Variants in TLE4 observed in about 807,000 individuals in gnomAD.
The protein encoded by TLE4 is TLE family member 4, transcriptional corepressor.
A neutral mutation model predicts 92.8 loss-of-function variants in TLE4; 8 were observed. The observed-to-expected ratio is 0.09, with a 90% CI of 0.05 to 0.16. The LOEUF (loss-of-function observed/expected upper bound fraction) is 0.16, where lower values mean the gene tolerates loss of function less well. Among genes scored for constraint, TLE4 ranks in the 10% least tolerant of loss-of-function variants. TLE4 has a pLI of 1.00. For missense variants in TLE4, 675 were observed against 997.6 expected (o/e 0.68, Z 4.36); for synonymous variants, 371 against 374.1 (o/e 0.99, Z 0.10).
intron 14 of TLE4, 84 bp downstream of exon 14, chr9:79,709,783 A>G: frequency 8.6e-7 from 1 of 1,161,276 alleles, no homozygotes; most frequent in Non-Finnish European, 1.3e-6. Context: ...ACCACTAGAC[A>G]GTGTTGGGGG....
intron 8 of TLE4, among the ~76,000 whole-genome samples, chr9:79,687,172 C>T (rs777473250): frequency 1.3e-5 from 2 of 152,224 alleles, no homozygotes; most frequent in Non-Finnish European, 2.9e-5. Flanking sequence ...TCCCCCGAAT[C>T]GTAATTGCCC....
At chr9:79,695,081 A>G (rs1441724292) in intron 8 of TLE4, among the ~76,000 whole-genome samples, 1 of 152,038 alleles carries the variant, frequency 6.6e-6, no homozygotes, top group Non-Finnish European at 1.5e-5. Context: ...AGGAAAGATT[A>G]ATTTCTATTA....
At chr9:79,573,822 CTTAGCTCTTGTCT>C in intron 2 of TLE4, 36 bp downstream of exon 2, 1 of 1,465,772 alleles carries the variant, frequency 6.8e-7, no homozygotes, top group Admixed American at 1.8e-5. Flanking sequence ...CTTCTGTTTG[CTTAGCTCTTGTCT>C]CCCCGACAAA....
At chr9:79,660,089 A>T (rs1344065843) in intron 8 of TLE4, among the ~76,000 whole-genome samples, 1 of 152,180 alleles carries the variant, frequency 6.6e-6, no homozygotes, top group Admixed American at 6.5e-5. Context: ...ATTCACCATG[A>T]AGTATTCTTG....
chr9:79,667,669 G>C (rs1378899748), intron 8 of TLE4, among the ~76,000 whole-genome samples: 1 of 152,106 alleles, frequency 6.6e-6, no homozygotes, highest in Non-Finnish European at 1.5e-5. Flanking sequence ...AAAGGAAGGT[G>C]GGGAGTTGGG....
chr9:79,643,104 G>A (rs1180174333), intron 6 of TLE4, among the ~76,000 whole-genome samples: 1 of 152,072 alleles, frequency 6.6e-6, no homozygotes, highest in East Asian at 1.9e-4. Flanking sequence ...GGTAAGAAGG[G>A]CACATCTTAT....
At chr9:79,666,196 T>TGTGG (rs2061369201) in intron 8 of TLE4, among the ~76,000 whole-genome samples, 2 of 112,788 alleles carry the variant, frequency 1.8e-5, no homozygotes, top group African/African-American at 3.1e-5. Context: ...TGTGTGTGTG[T>TGTGG]GGGTGGGGTT....
chr9:79,692,508 A>AG (rs1792884126), intron 8 of TLE4, among the ~76,000 whole-genome samples: 1 of 152,196 alleles, frequency 6.6e-6, no homozygotes, highest in Non-Finnish European at 1.5e-5. Context: ...CATGAAAGGA[A>AG]GGGCGGTATG....
intron 4 of TLE4, among the ~76,000 whole-genome samples, chr9:79,599,507 T>C (rs926758861): frequency 2.0e-5 from 3 of 152,168 alleles, no homozygotes; most frequent in Admixed American, 1.3e-4. Context: ...GCTCAGTGTT[T>C]CCCACGGAAT....
At chr9:79,597,336 G>A (rs1306867613) in intron 4 of TLE4, among the ~76,000 whole-genome samples, 1 of 152,068 alleles carries the variant, frequency 6.6e-6, no homozygotes, top group Non-Finnish European at 1.5e-5. Context: ...TTTTGGTGTT[G>A]GGTCATTTTT....
At chr9:79,713,415 T>C (rs1048293657) in intron 14 of TLE4, among the ~76,000 whole-genome samples, 1 of 152,218 alleles carries the variant, frequency 6.6e-6, no homozygotes, top group Non-Finnish European at 1.5e-5. Flanking sequence ...CTCATCGCCA[T>C]GTTTGTTGGA....
chr9:79,711,358 A>G (rs1470941808), intron 14 of TLE4, among the ~76,000 whole-genome samples: 1 of 152,232 alleles, frequency 6.6e-6, no homozygotes, highest in Non-Finnish European at 1.5e-5. Context: ...TTGACCAAGA[A>G]ACTTTGATGT....
At chr9:79,693,895 C>G (rs535295194) in intron 8 of TLE4, among the ~76,000 whole-genome samples, 7 of 152,352 alleles carry the variant, frequency 4.6e-5, no homozygotes, top group African/African-American at 1.7e-4. Context: ...TTTCAGCATG[C>G]TGCTATTACT....
chr9:79,601,407 C>T (rs1222342215), intron 4 of TLE4: 2 of 456,548 alleles, frequency 4.4e-6, no homozygotes, highest in African/African-American at 4.0e-5. Flanking sequence ...CTTTATTGTG[C>T]TTCACAGAGA....
chr9:79,582,639 C>CTTTTTTTTTTTTTTTTTTG (rs35195007), intron 4 of TLE4, among the ~76,000 whole-genome samples: 1 of 115,654 alleles, frequency 8.6e-6, no homozygotes, highest in Admixed American at 8.8e-5. Flanking sequence ...TTTAATGTGG[C>CTTTTTTTTTTTTTTTTTTG]TTTTTTTTTT....
At chr9:79,589,604 A>G (rs543667743) in intron 4 of TLE4, among the ~76,000 whole-genome samples, 22 of 152,108 alleles carry the variant, frequency 1.4e-4, no homozygotes, top group African/African-American at 5.1e-4. Flanking sequence ...TGTGAGACCC[A>G]TTAGTCCTGT....
intron 8 of TLE4, among the ~76,000 whole-genome samples, chr9:79,694,003 T>C (rs1002727971): frequency 6.6e-6 from 1 of 152,206 alleles, no homozygotes; most frequent in Non-Finnish European, 1.5e-5. Context: ...ACACCAAGTA[T>C]ACAAAAGTAA....
intron 8 of TLE4, among the ~76,000 whole-genome samples, chr9:79,659,671 A>G (rs888671035): frequency 3.3e-5 from 5 of 152,118 alleles, no homozygotes; most frequent in African/African-American, 4.8e-5. Flanking sequence ...CTCTTATACA[A>G]TTCCACAAAG....
chr9:79,624,258 G>A (rs1458175425), intron 5 of TLE4, among the ~76,000 whole-genome samples: 1 of 150,540 alleles, frequency 6.6e-6, no homozygotes, highest in Non-Finnish European at 1.5e-5. Context: ...TCTCTTTTGT[G>A]TGTAATCTTT....
Sources: gnomAD v4.1 joint callset for allele counts (sites outside exome capture counted in the v4.1 genomes callset) on GRCh38, gnomAD v4.1.1 for gene constraint, MANE v1.5 for transcripts, NCBI Gene and HGNC (gene_info 2026-07-23, HGNC 2026-07-21) for gene names.